Variants in CTCF observed in about 807,000 individuals in gnomAD.
CTCF encodes the protein transcriptional repressor CTCF.
A neutral mutation model predicts 72.3 loss-of-function variants in CTCF; 7 were observed. That is an observed-to-expected ratio of 0.10 (90% confidence interval 0.06 to 0.18). The LOEUF (loss-of-function observed/expected upper bound fraction) is 0.18. Ranked by LOEUF, CTCF falls within the 10% of genes least tolerant of loss-of-function variation. The pLI, the probability that CTCF is intolerant of heterozygous loss-of-function variation, is 1.00. For synonymous variants in CTCF, 374 were observed against 315.8 expected, an observed-to-expected ratio of 1.18 and a Z score of -1.95; for missense variants, 516 against 949.1, an observed-to-expected ratio of 0.54 and a Z score of 6.00.
intron 2 of CTCF, among the ~76,000 whole-genome samples, chr16:67,576,639 C>T (rs1027310897): frequency 1.3e-5 from 2 of 150,212 alleles, no homozygotes; most frequent in African/African-American, 4.9e-5. Context: ...CTGCAAACTC[C>T]GCCTCCCGGC....
chr16:67,563,652 A>AG (rs978974212), intron 1 of CTCF: 4 of 152,196 alleles, frequency 2.6e-5, no homozygotes, highest in African/African-American at 9.6e-5. Context: ...TCCCCAGCCG[A>AG]GTGATAGCAG....
intron 7 of CTCF, among the ~76,000 whole-genome samples, chr16:67,622,138 C>T (rs1378688834): frequency 2.0e-5 from 3 of 152,022 alleles, no homozygotes; most frequent in Non-Finnish European, 2.9e-5. Flanking sequence ...GGGTGGATCA[C>T]GAGGTCAGGC....
chr16:67,610,982 G>C lies in CTCF; in HGVS notation c.150G>C (p.Val50=). The change falls in exon 3 of 12, where the codon GTG becomes GTC. Residue 50 remains valine (V), a synonymous_variant. Transcript: ENST00000264010. ...LPQNQTDGGE[V]VQDVNSSVQM... is the part of the protein sequence containing the mutation. ...AGAACCAGACGGATGGGGGTGAGGTGGTCCAGGATGTCAACAGCAGTGTAC... is the reference window on the plus strand; with the variant it reads ...AGAACCAGACGGATGGGGGTGAGGTCGTCCAGGATGTCAACAGCAGTGTAC... 1 of 1,602,190 alleles carries C rather than the reference G, an allele frequency of 6.2e-7. No homozygotes were observed. Among genetic ancestry groups the C allele is most frequent in the Non-Finnish European group, 8.5e-7 (1 of 1,170,100 alleles).
intron 4 of CTCF, among the ~76,000 whole-genome samples, chr16:67,613,374 A>G (rs781557900): frequency 2.6e-5 from 4 of 152,230 alleles, no homozygotes; most frequent in Non-Finnish European, 4.4e-5. Flanking sequence ...CATAAACAGT[A>G]TGCTGCACAT....
intron 2 of CTCF, among the ~76,000 whole-genome samples, chr16:67,597,816 T>A (rs927628726): frequency 1.3e-5 from 2 of 152,216 alleles, no homozygotes; most frequent in African/African-American, 4.8e-5. Flanking sequence ...GATTCTCTCT[T>A]CTGTTTAAAT....
At chr16:67,634,547 C>T (rs1470847619) in intron 10 of CTCF, among the ~76,000 whole-genome samples, 2 of 126,414 alleles carry the variant, frequency 1.6e-5, no homozygotes, top group Non-Finnish European at 3.2e-5. Context: ...TACACAGGAT[C>T]TCACTGTATC....
rs752918244 is a variant in CTCF at position 67,610,824 on chromosome 16, G to A, written c.-9G>A. ...CAATCTGTGTTCTCCCTTAATAAAG[G>A]CAGGGGAAATGGAAGGTGATGCAGT... On this transcript the variant is annotated splice_region_variant and 5_prime_UTR_variant, in exon 3 of 12. Transcript: ENST00000264010. 1 of 1,460,422 alleles carries A rather than the reference G, an allele frequency of 6.8e-7. No individual in the cohort carries two copies. The highest frequency in any genetic ancestry group is 9.1e-7 in the Non-Finnish European group (1 of 1,101,824). 90.5% of individuals were successfully genotyped at this position (1,460,422 alleles called of 1,614,324 possible).
chr16:67,572,583 GTTAAGTAAT>G (rs1484046536), intron 2 of CTCF: 2 of 152,120 alleles, frequency 1.3e-5, no homozygotes, highest in Non-Finnish European at 2.9e-5. Context: ...GAGGTGGTGA[GTTAAGTAAT>G]TTAACTGGTC....
intron 2 of CTCF, among the ~76,000 whole-genome samples, chr16:67,604,744 T>TG (rs2051948787): frequency 7.7e-6 from 1 of 129,806 alleles, no homozygotes; most frequent in South Asian, 2.4e-4. Flanking sequence ...TTTTTTTTTT[T>TG]GTTTTTTGTT....
At chr16:67,591,214 C>T (rs780885818) in intron 2 of CTCF, among the ~76,000 whole-genome samples, 1 of 152,020 alleles carries the variant, frequency 6.6e-6, no homozygotes, top group Non-Finnish European at 1.5e-5. Flanking sequence ...ATTGCTTGAA[C>T]ACAGGAGGCA....
In CTCF at chr16:67,637,914, T is replaced by A; in HGVS notation, c.*42T>A. 1 of 1,467,480 alleles carries A rather than the reference T, an allele frequency of 6.8e-7. No homozygotes were observed. Among genetic ancestry groups the A allele is most frequent in the Non-Finnish European group, 9.1e-7 (1 of 1,094,758 alleles). 90.9% of individuals were successfully genotyped at this position (1,467,480 alleles called of 1,614,324 possible). A position where few individuals can be genotyped will look rare whatever the true frequency, so the allele number is the denominator to read the frequency against. ...GTCGCCAGGACTTCTCTGGGCTGTG[T>A]TTAAACGGCCCGCATCTTAATTTTT... On this transcript the variant is annotated 3_prime_UTR_variant, in exon 12 of 12. Coordinates refer to ENST00000264010, the MANE Select transcript of CTCF (RefSeq NM_006565.4).
intron 7 of CTCF, among the ~76,000 whole-genome samples, chr16:67,624,133 A>ATGTG (rs549592119): frequency 4.5e-5 from 6 of 133,492 alleles, no homozygotes; most frequent in South Asian, 2.4e-4. Flanking sequence ...GTGTATATAT[A>ATGTG]TGTGTGTGTG....
chr16:67,577,177 G>A (rs967876976), intron 2 of CTCF, among the ~76,000 whole-genome samples: 18 of 151,890 alleles, frequency 1.2e-4, no homozygotes, highest in Non-Finnish European at 2.2e-4. Context: ...CCAGCACTTC[G>A]GGAGGCCGAG....
intron 2 of CTCF, among the ~76,000 whole-genome samples, chr16:67,584,237 G>C (rs772244023): frequency 6.6e-6 from 1 of 151,040 alleles, no homozygotes; most frequent in Non-Finnish European, 1.5e-5. Flanking sequence ...CAGGAGAGTT[G>C]CTTCAACTTG....
chr16:67,570,028 A>G (rs902864110), intron 1 of CTCF, among the ~76,000 whole-genome samples: 14 of 151,864 alleles, frequency 9.2e-5, no homozygotes, highest in Admixed American at 9.2e-4. Flanking sequence ...CTTGCTAAAG[A>G]TACGGAAATA....
chr16:67,637,971 A>ATGAT lies in CTCF; in HGVS notation c.*99_*100insTGAT. 8.6e-7 allele frequency: 1 copy of ATGAT among 1,160,664 alleles called. No homozygotes were observed. Among genetic ancestry groups the ATGAT allele is most frequent in the Non-Finnish European group, 1.2e-6 (1 of 843,270 alleles). 71.9% of individuals were successfully genotyped at this position (1,160,664 alleles called of 1,614,324 possible). Reference sequence around the variant, plus strand: ...TCTTTCTTTTTTTGGCTTTGGGAAAAGCATCATTTTACCAAACATACCGAG... The same window carrying ATGAT: ...TCTTTCTTTTTTTGGCTTTGGGAAAATGATGCATCATTTTACCAAACATACCGAG... On this transcript the variant is annotated 3_prime_UTR_variant, in exon 12 of 12. Coordinates refer to ENST00000264010, the MANE Select transcript of CTCF (RefSeq NM_006565.4).
intron 2 of CTCF, among the ~76,000 whole-genome samples, chr16:67,597,465 A>C (rs1177953966): frequency 6.6e-6 from 1 of 151,842 alleles, no homozygotes; most frequent in Non-Finnish European, 1.5e-5. Context: ...CAGCCTCCCG[A>C]GTAGTTGGGA....
rs138355390 is a variant in CTCF at position 67,634,488 on chromosome 16, G to C, written c.1838-2202G>C. The stretch of plus-strand genomic sequence containing the variant: ...CTCCTAAAGTGCTGGGATTACAGGC[G>C]TGAGCCACCATGCCCAGCCTAAATG... On this transcript the variant is annotated intron_variant, in intron 10 of 11. Coordinates refer to ENST00000264010, the MANE Select transcript of CTCF (RefSeq NM_006565.4). Among the ~76,000 whole-genome samples, 3 of 147,298 alleles carry C rather than the reference G, an allele frequency of 2.0e-5. No individual in the cohort carries two copies. In the East Asian group the frequency reaches 6.0e-4, roughly 30 times the overall value.
chr16:67,571,783 T>C (rs886500471), intron 2 of CTCF, among the ~76,000 whole-genome samples: 1 of 152,232 alleles, frequency 6.6e-6, no homozygotes. Context: ...TTAGCCTAGC[T>C]CATTGCCCAT....
Sources: allele counts gnomAD v4.1 joint callset (sites outside exome capture counted in the v4.1 genomes callset), GRCh38; gene constraint gnomAD v4.1.1; transcripts MANE v1.5; gene names NCBI Gene and HGNC (gene_info 2026-07-23, HGNC 2026-07-21).